ERICH1: variants seen among roughly 807,000 people sequenced by gnomAD.
ERICH1 encodes glutamate-rich protein 1.
Under a neutral mutation model 39.6 loss-of-function variants are expected in ERICH1, and 56 were observed. That is an observed-to-expected ratio of 1.41 (90% confidence interval 1.14 to 1.77). The LOEUF (loss-of-function observed/expected upper bound fraction) is 1.77. ERICH1 is among the 40% of genes most tolerant of loss of function. The pLI, the probability that ERICH1 is intolerant of heterozygous loss-of-function variation, is 0.00. For missense variants in ERICH1, 826 were observed against 575.4 expected (o/e 1.44, Z -4.45); for synonymous variants, 313 against 223.6 (o/e 1.40, Z -3.57).
chr8:641,752 G>A (rs1427305918), intron 3 of ERICH1, among the ~76,000 whole-genome samples: 2 of 152,140 alleles, frequency 1.3e-5, no homozygotes, highest in Non-Finnish European at 2.9e-5. Context: ...TCCTGTCTGC[G>A]TTTTCCAGGC....
intron 2 of ERICH1, among the ~76,000 whole-genome samples, chr8:696,324 T>G (rs1196828977): frequency 2.2e-5 from 1 of 45,116 alleles, no homozygotes; most frequent in African/African-American, 1.5e-4. Context: ...CAGCCTGCGC[T>G]CGCTCCTCTC....
intron 1 of ERICH1, among the ~76,000 whole-genome samples, chr8:728,341 G>A (rs187462164): frequency 1.2e-3 from 178 of 152,292 alleles, no homozygotes; most frequent in African/African-American, 4.1e-3. Flanking sequence ...ACTGGGAACC[G>A]TCCAGGGAGG....
intron 2 of ERICH1, among the ~76,000 whole-genome samples, chr8:697,440 T>G (rs369962231): frequency 1.3e-5 from 2 of 152,300 alleles, no homozygotes; most frequent in South Asian, 4.1e-4. Flanking sequence ...TCCTGCTGCA[T>G]GCCCACACCT....
Position 707,087 on chromosome 8 carries a change from G to C in ERICH1, c.169+8774C>G, listed in dbSNP as rs537954204. ...TTCTCAATTCAAAACTTAGTACACAGCTACAGCAATCAAAACAAGATGGTG... is the reference window on the plus strand; with the variant it reads ...TTCTCAATTCAAAACTTAGTACACACCTACAGCAATCAAAACAAGATGGTG... On this transcript the variant is annotated intron_variant, in intron 2 of 5. Transcript: ENST00000262109. Among the ~76,000 whole-genome samples, 134 of 151,948 alleles carry C rather than the reference G, an allele frequency of 8.8e-4. 1 individual carries two copies. Among genetic ancestry groups the C allele is most frequent in the Non-Finnish European group, 1.8e-3 (122 of 67,982 alleles).
At chr8:618,411 GC>G (rs1797069982) in intron 3 of ERICH1, among the ~76,000 whole-genome samples, 1 of 151,978 alleles carries the variant, frequency 6.6e-6, no homozygotes, top group Non-Finnish European at 1.5e-5. Flanking sequence ...CACCATCACT[GC>G]CCTCTGAGTG....
At chr8:656,212 T>A (rs1391621930) in intron 3 of ERICH1, among the ~76,000 whole-genome samples, 2 of 152,090 alleles carry the variant, frequency 1.3e-5, no homozygotes, top group African/African-American at 4.8e-5. Context: ...TCCTTCTTTT[T>A]CTGTTTTCCC....
At chr8:649,336 G>C (rs1290700380) in intron 3 of ERICH1, among the ~76,000 whole-genome samples, 2 of 17,132 alleles carry the variant, frequency 1.2e-4, no homozygotes, top group Admixed American at 9.5e-4. Flanking sequence ...CTATTTCTTT[G>C]CATTTCACCC....
chr8:721,906 G>C (rs999101678), intron 1 of ERICH1, among the ~76,000 whole-genome samples: 1 of 152,192 alleles, frequency 6.6e-6, no homozygotes, highest in African/African-American at 2.4e-5. Context: ...CAAAAATCAA[G>C]TTAGAGGTTA....
chr8:721,891 G>C (rs1817412912), intron 1 of ERICH1, among the ~76,000 whole-genome samples: 1 of 152,138 alleles, frequency 6.6e-6, no homozygotes, highest in African/African-American at 2.4e-5. Flanking sequence ...CTAGATAGAG[G>C]CTGACAAAAA....
intron 3 of ERICH1, among the ~76,000 whole-genome samples, chr8:629,747 A>AGG (rs1797853216): frequency 7.1e-6 from 1 of 140,526 alleles, no homozygotes; most frequent in African/African-American, 2.9e-5. Context: ...GACAACCCAC[A>AGG]CAGAGCTGAC....
intron 1 of ERICH1, among the ~76,000 whole-genome samples, chr8:716,965 G>T (rs997089213): frequency 6.6e-6 from 1 of 152,160 alleles, no homozygotes; most frequent in African/African-American, 2.4e-5. Context: ...CCTCCTACAG[G>T]CCCCGCTGTT....
chr8:625,076 A>G (rs1455747217), intron 3 of ERICH1, among the ~76,000 whole-genome samples: 2 of 152,174 alleles, frequency 1.3e-5, no homozygotes. Flanking sequence ...CCACAAGAAC[A>G]GCGAGGTGGA....
At chr8:721,063 A>T (rs943761242) in intron 1 of ERICH1, among the ~76,000 whole-genome samples, 1 of 152,254 alleles carries the variant, frequency 6.6e-6, no homozygotes, top group Non-Finnish European at 1.5e-5. Flanking sequence ...AAACAGGCAC[A>T]AAAACAGATG....
rs920246341 is a variant in ERICH1, at chr8:669,796, T to C, written c.1064-1004A>G. On this transcript the variant is annotated intron_variant, in intron 4 of 5. Transcript: ENST00000262109. The stretch of plus-strand genomic sequence containing the variant: ...CTGAAAACAAGCCCCCGACTTCCCC[T>C]GGATCTGGCTGCTGGTCTTGTTTCT... 4.6e-5 allele frequency among the ~76,000 whole-genome samples: 7 copies of C among 152,366 alleles called. No homozygotes were observed. The South Asian group carries it at 1.4e-3, about 32-fold the overall frequency.
chr8:655,341 A>G (rs1251275758), intron 3 of ERICH1, among the ~76,000 whole-genome samples: 1 of 152,242 alleles, frequency 6.6e-6, no homozygotes, highest in Non-Finnish European at 1.5e-5. Flanking sequence ...GGCAGATAGT[A>G]ATTAAGCCTG....
intron 2 of ERICH1, among the ~76,000 whole-genome samples, chr8:699,941 G>T (rs111161370): frequency 2.4e-5 from 2 of 84,478 alleles, no homozygotes; most frequent in South Asian, 3.9e-4. Flanking sequence ...GCACAGACCC[G>T]CACACGCGCA....
chr8:695,500 C>A (rs71514185), intron 2 of ERICH1, among the ~76,000 whole-genome samples: 14,220 of 129,886 alleles, frequency 0.11, 1,236 homozygotes, highest in Middle Eastern at 0.22. Flanking sequence ...CCTCTCCTCT[C>A]CTTCCTCCCC....
At chr8:726,639 G>A (rs111161374) in intron 1 of ERICH1, among the ~76,000 whole-genome samples, 12,598 of 148,376 alleles carry the variant, frequency 0.085, 585 homozygotes, top group Middle Eastern at 0.1. Context: ...TGAACACACA[G>A]ACACACATGT....
intron 2 of ERICH1, among the ~76,000 whole-genome samples, chr8:699,819 A>AC (rs1469851126): frequency 1.4e-5 from 1 of 70,192 alleles, no homozygotes; most frequent in Non-Finnish European, 3.6e-5. Flanking sequence ...AGATCCGCAC[A>AC]AGCGCACAGA....
Sources: allele counts gnomAD v4.1 joint callset (sites outside exome capture counted in the v4.1 genomes callset), GRCh38; gene constraint gnomAD v4.1.1; transcripts MANE v1.5; gene names NCBI Gene and HGNC (gene_info 2026-07-23, HGNC 2026-07-21).